The following INPP4B variants were observed in gnomAD, a reference collection of about 807,000 sequenced individuals.
The protein encoded by INPP4B is inositol polyphosphate 4-phosphatase type II.
INPP4B carries 55 observed loss-of-function variants against 122.5 expected under a neutral mutation model. The ratio of observed to expected loss-of-function variants is 0.45; its 90% CI spans 0.36 to 0.56. The LOEUF (loss-of-function observed/expected upper bound fraction) is 0.56. INPP4B is among the 20% of genes least tolerant of loss of function. The probability of loss-of-function intolerance (pLI) is 0.00; values close to 1 mark genes in which losing one functional copy is unlikely to be tolerated. For synonymous variants in INPP4B, 403 were observed against 388.7 expected (o/e 1.04, Z -0.43); for missense variants, 1,000 against 1,097.7 (o/e 0.91, Z 1.26).
intron 2 of INPP4B, among the ~76,000 whole-genome samples, chr4:142,707,511 A>G (rs1297427759): frequency 6.6e-6 from 1 of 152,118 alleles, no homozygotes; most frequent in Non-Finnish European, 1.5e-5. Context: ...TTCTGTTCTC[A>G]TGATAGTGAG....
At chr4:142,327,110 C>G (rs551996070) in intron 7 of INPP4B, among the ~76,000 whole-genome samples, 2 of 152,144 alleles carry the variant, frequency 1.3e-5, no homozygotes, top group African/African-American at 2.4e-5. Flanking sequence ...TATCACAGTA[C>G]CAGACTCAAA....
At position 142,294,829 on chromosome 4, in the gene INPP4B, CAAAAAAAA is replaced by C. The variant is rs57430432; in HGVS notation, c.503+10621_503+10628del. On this transcript the variant is annotated intron_variant, in intron 9 of 25. Coordinates refer to ENST00000262992, the MANE Select transcript of INPP4B (RefSeq NM_001101669.3). ...CGGGCGACAGAGCGAGACTCCGTCT[CAAAAAAAA>C]AAAAAAAAAAAAAAAAAAAGGCAGA... Among the ~76,000 whole-genome samples the C allele has an allele frequency of 4.0e-3, 113 of 28,476 alleles. 2 individuals carry two copies. The highest frequency in any genetic ancestry group is 0.033 in the East Asian group (22 of 664). 18.7% of individuals were successfully genotyped at this position (28,476 alleles called of 152,430 possible). A position where few individuals can be genotyped will look rare whatever the true frequency, so the allele number is the denominator to read the frequency against.
At chr4:142,831,871 CTATA>C (rs944757448) in intron 1 of INPP4B, among the ~76,000 whole-genome samples, 1 of 151,890 alleles carries the variant, frequency 6.6e-6, no homozygotes, top group Non-Finnish European at 1.5e-5. Context: ...TATTTTTTTC[CTATA>C]TATATTGTTC....
intron 9 of INPP4B, among the ~76,000 whole-genome samples, chr4:142,278,228 T>C (rs1269056988): frequency 6.6e-6 from 1 of 151,768 alleles, no homozygotes; most frequent in African/African-American, 2.4e-5. Flanking sequence ...GCACCATGCA[T>C]ATTGGGGAAG....
chr4:142,098,651 C>A (rs932025840), intron 23 of INPP4B, among the ~76,000 whole-genome samples: 1 of 151,896 alleles, frequency 6.6e-6, no homozygotes, highest in Non-Finnish European at 1.5e-5. Flanking sequence ...GTGAAAGAGG[C>A]GACTCAAGGG....
At chr4:142,108,567 C>T (rs1222825620) in intron 22 of INPP4B, among the ~76,000 whole-genome samples, 2 of 152,100 alleles carry the variant, frequency 1.3e-5, no homozygotes, top group African/African-American at 4.8e-5. Context: ...TCTATCCAAC[C>T]ATCCATTTCA....
chr4:142,237,778 G>A (rs1459755038), intron 12 of INPP4B, 86 bp downstream of exon 12: 1 of 746,544 alleles, frequency 1.3e-6, no homozygotes. Flanking sequence ...TCAAAATGTT[G>A]CACAGATTAT....
intron 7 of INPP4B, among the ~76,000 whole-genome samples, chr4:142,389,550 G>T (rs969606064): frequency 2.0e-4 from 31 of 152,132 alleles, no homozygotes; most frequent in African/African-American, 7.5e-4. Flanking sequence ...TAGGTTTGTT[G>T]AATGCTTTAA....
chr4:142,624,191 T>TA (rs1745704230), intron 2 of INPP4B, among the ~76,000 whole-genome samples: 1 of 151,940 alleles, frequency 6.6e-6, no homozygotes. Flanking sequence ...ACCAACAGTA[T>TA]AAAGTGTTCC....
intron 22 of INPP4B, among the ~76,000 whole-genome samples, chr4:142,109,005 T>C (rs986767355): frequency 2.6e-5 from 4 of 152,166 alleles, no homozygotes; most frequent in Non-Finnish European, 4.4e-5. Context: ...TGCTTCCTCC[T>C]TTGAACCATT....
chr4:142,207,765 G>C (rs1843158390), intron 14 of INPP4B, among the ~76,000 whole-genome samples: 1 of 152,126 alleles, frequency 6.6e-6, no homozygotes, highest in East Asian at 1.9e-4. Flanking sequence ...ATAGCAATAA[G>C]TTCATGAAAA....
intron 11 of INPP4B, among the ~76,000 whole-genome samples, chr4:142,256,961 A>T (rs1162888751): frequency 2.6e-5 from 4 of 152,210 alleles, no homozygotes; most frequent in African/African-American, 9.7e-5. Context: ...CCTCAATGAA[A>T]TACTGACAAA....
chr4:142,716,179 C>T (rs546482281), intron 2 of INPP4B, among the ~76,000 whole-genome samples: 82 of 152,274 alleles, frequency 5.4e-4, no homozygotes, highest in Middle Eastern at 3.4e-3. Context: ...GGGATGCCAA[C>T]GAGGTTCTGG....
intron 9 of INPP4B, among the ~76,000 whole-genome samples, chr4:142,279,857 A>C (rs552234668): frequency 4.6e-5 from 7 of 152,104 alleles, no homozygotes; most frequent in African/African-American, 1.4e-4. Flanking sequence ...TCTAACAAAG[A>C]ACTTGTATCC....
intron 2 of INPP4B, among the ~76,000 whole-genome samples, chr4:142,585,446 A>C (rs1047562583): frequency 6.6e-6 from 1 of 151,124 alleles, no homozygotes; most frequent in East Asian, 1.9e-4. Flanking sequence ...TAACACCTAC[A>C]CCTCCCCTTT....
At chr4:142,355,930 A>G (rs1228013737) in intron 7 of INPP4B, among the ~76,000 whole-genome samples, 1 of 151,736 alleles carries the variant, frequency 6.6e-6, no homozygotes, top group Non-Finnish European at 1.5e-5. Flanking sequence ...CTTAACCTCA[A>G]GAGAAATGAA....
chr4:142,513,660 G>A lies in INPP4B; in HGVS notation c.-190-50934C>T, dbSNP rs569572684. Among the ~76,000 whole-genome samples the A allele has an allele frequency of 9.2e-5, 14 of 152,202 alleles. No homozygotes were observed. The East Asian group carries it at 1.9e-3, about 21-fold the overall frequency. On this transcript the variant is annotated intron_variant, in intron 2 of 25. Coordinates refer to ENST00000262992, the MANE Select transcript of INPP4B (RefSeq NM_001101669.3). Reference sequence around the variant, plus strand: ...TGACCTCAGGTGATCCACTTGCCTCGGCCTCCCAAGTGCTGGGATTACAGG... The same window carrying A: ...TGACCTCAGGTGATCCACTTGCCTCAGCCTCCCAAGTGCTGGGATTACAGG...
intron 1 of INPP4B, among the ~76,000 whole-genome samples, chr4:142,834,661 A>G (rs1782564928): frequency 6.6e-6 from 1 of 152,188 alleles, no homozygotes; most frequent in Non-Finnish European, 1.5e-5. Flanking sequence ...ATGTCTGTGT[A>G]AGTTAGGGTC....
At chr4:142,304,239 C>A (rs569419780) in intron 9 of INPP4B, among the ~76,000 whole-genome samples, 1 of 152,084 alleles carries the variant, frequency 6.6e-6, no homozygotes, top group Non-Finnish European at 1.5e-5. Context: ...GATAGCCATT[C>A]TTTTTAGCTG....
Sources: gnomAD v4.1 joint callset for allele counts (sites outside exome capture counted in the v4.1 genomes callset) on GRCh38, gnomAD v4.1.1 for gene constraint, MANE v1.5 for transcripts, NCBI Gene and HGNC (gene_info 2026-07-23, HGNC 2026-07-21) for gene names.